Variants in PSD3 observed in about 807,000 individuals in gnomAD.
The protein encoded by PSD3 is pleckstrin and Sec7 domain containing 3, also known as PH and SEC7 domain-containing protein 3.
Under a neutral mutation model 105.5 loss-of-function variants are expected in PSD3, and 49 were observed. The observed-to-expected ratio is 0.46, with a 90% CI of 0.37 to 0.59. PSD3 has a LOEUF of 0.59. Among genes scored for constraint, PSD3 ranks in the 20% least tolerant of loss-of-function variants. PSD3 has a pLI of 0.00. For missense variants in PSD3, 1,561 were observed against 1,263.8 expected, an observed-to-expected ratio of 1.24 and a Z score of -3.57; for synonymous variants, 557 against 457.8, an observed-to-expected ratio of 1.22 and a Z score of -2.77.
chr8:18,655,642 A>T lies in PSD3; in HGVS notation c.2216T>A (p.Val739Glu), dbSNP rs774769776. The T allele has an allele frequency of 1.2e-6, 2 of 1,613,808 alleles. No individual in the cohort carries two copies. The highest frequency in any genetic ancestry group is 2.2e-5 in the South Asian group (2 of 91,080). The change falls in exon 10 of 16, where the codon GTA becomes GAA. Residue 739 changes from valine (V) to glutamate (E), a missense_variant and splice_region_variant. Transcript: ENST00000327040. ...SIKNEKLEWA[V>E]DDEEKKKSPS... is the part of the protein sequence containing the mutation. The stretch of plus-strand genomic sequence containing the variant: ...AAAGGCTGACGTCCAGCACACTTAC[A>T]CTGCCCATTCAAGCTTCTCATTCTT...
At chr8:18,831,078 C>T (rs191831537) in intron 4 of PSD3, among the ~76,000 whole-genome samples, 16 of 125,782 alleles carry the variant, frequency 1.3e-4, no homozygotes, top group East Asian at 8.4e-4. Flanking sequence ...CTGACTCTGA[C>T]GTTTGCTTCT....
intron 2 of PSD3, among the ~76,000 whole-genome samples, chr8:18,920,832 G>A (rs575644374): frequency 1.3e-5 from 2 of 152,038 alleles, no homozygotes; most frequent in Admixed American, 1.3e-4. Flanking sequence ...CAATCACTGT[G>A]ATAACTAAAA....
chr8:18,633,186 T>C (rs994051258), intron 10 of PSD3, among the ~76,000 whole-genome samples: 1 of 152,072 alleles, frequency 6.6e-6, no homozygotes. Context: ...TGGGAGTTTA[T>C]TGGCAGGAAT....
chr8:18,671,366 T>G (rs572330873), intron 9 of PSD3, among the ~76,000 whole-genome samples: 1 of 152,300 alleles, frequency 6.6e-6, no homozygotes, highest in Non-Finnish European at 1.5e-5. Context: ...CAATTTTACA[T>G]GAGACACACT....
intron 11 of PSD3, among the ~76,000 whole-genome samples, chr8:18,623,783 G>A (rs1806293607): frequency 6.6e-6 from 1 of 152,112 alleles, no homozygotes; most frequent in African/African-American, 2.4e-5. Flanking sequence ...ACTTGTCAGT[G>A]ACTGCCTGTT....
chr8:19,014,909 T>G (rs1827127355), upstream of PSD3, among the ~76,000 whole-genome samples: 1 of 152,148 alleles, frequency 6.6e-6, no homozygotes, highest in Non-Finnish European at 1.5e-5. The surrounding 1 kb of genome is among the most constrained non-coding windows in gnomAD (Gnocchi z 4.9). Context: ...TGAGGGAGTG[T>G]ATGCCTTTAT....
chr8:18,548,054 T>A (rs1800552977), intron 15 of PSD3, among the ~76,000 whole-genome samples: 2 of 152,328 alleles, frequency 1.3e-5, no homozygotes, highest in African/African-American at 4.8e-5. Flanking sequence ...GTTTTCAAGT[T>A]CTCAGCTTCT....
intron 2 of PSD3, among the ~76,000 whole-genome samples, chr8:18,933,020 ATGAG>A (rs1460785295): frequency 2.6e-5 from 4 of 152,260 alleles, no homozygotes; most frequent in African/African-American, 9.6e-5. Flanking sequence ...TAAGAAACTT[ATGAG>A]TAAGAACCAT....
At chr8:19,038,226 A>G (rs1224248199) in intron 1 of PSD3, among the ~76,000 whole-genome samples, 1 of 152,074 alleles carries the variant, frequency 6.6e-6, no homozygotes, top group Non-Finnish European at 1.5e-5. Context: ...TTTAGAATAC[A>G]TGTCTCTTTA....
At chr8:18,639,597 C>A (rs896035816) in intron 10 of PSD3, among the ~76,000 whole-genome samples, 1 of 152,142 alleles carries the variant, frequency 6.6e-6, no homozygotes, top group Admixed American at 6.5e-5. Flanking sequence ...CACAGACACA[C>A]ACATACAGAA....
chr8:18,982,938 T>C (rs1012439512), intron 1 of PSD3, among the ~76,000 whole-genome samples: 3 of 152,230 alleles, frequency 2.0e-5, no homozygotes, highest in African/African-American at 7.2e-5. Flanking sequence ...TTTTGAAGCT[T>C]TGAAGCCAGG....
intron 15 of PSD3, among the ~76,000 whole-genome samples, chr8:18,540,162 T>C (rs527422631): frequency 6.6e-6 from 1 of 152,356 alleles, no homozygotes; most frequent in Non-Finnish European, 1.5e-5. Context: ...GGACAGTTTA[T>C]GAAAGCAGCT....
rs114972342 is a variant in PSD3 at position 18,676,311 on chromosome 8, G to A, written c.2173-20626C>T. Among the ~76,000 whole-genome samples, 4 of 152,262 alleles carry A rather than the reference G, an allele frequency of 2.6e-5. No individual in the cohort carries two copies. The South Asian group carries it at 8.3e-4, about 32-fold the overall frequency. On this transcript the variant is annotated intron_variant, in intron 9 of 15. Coordinates refer to ENST00000327040, the MANE Select transcript of PSD3 (RefSeq NM_015310.4). Reference sequence around the variant, plus strand: ...ACAGTCTACTCATAAATGGAGGGGAGCAAGAATGCAGTACGACCTTGGGAG... The same window carrying A: ...ACAGTCTACTCATAAATGGAGGGGAACAAGAATGCAGTACGACCTTGGGAG...
intron 11 of PSD3, among the ~76,000 whole-genome samples, chr8:18,614,802 T>TTG (rs1289328101): frequency 1.0e-5 from 1 of 96,192 alleles, no homozygotes; most frequent in African/African-American, 3.8e-5. Flanking sequence ...CTAATTTTTT[T>TTG]TTTGTTTTGT....
intron 9 of PSD3, among the ~76,000 whole-genome samples, chr8:18,667,810 G>T (rs1563157200): frequency 6.6e-6 from 1 of 152,210 alleles, no homozygotes; most frequent in African/African-American, 2.4e-5. Context: ...GGGCTGCAGA[G>T]CCTCCGAGCC....
intron 8 of PSD3, among the ~76,000 whole-genome samples, chr8:18,777,853 A>G (rs1478914812): frequency 2.0e-5 from 3 of 152,150 alleles, no homozygotes; most frequent in South Asian, 2.1e-4. Flanking sequence ...CTCTATGTCC[A>G]TGATATCAAC....
chr8:18,839,800 A>G (rs553870583), intron 4 of PSD3, among the ~76,000 whole-genome samples: 36 of 149,016 alleles, frequency 2.4e-4, no homozygotes, highest in African/African-American at 8.5e-4. Context: ...TAACTCTCCC[A>G]TGACACAGGG....
intron 9 of PSD3, chr8:18,732,743 T>A (rs574970056): frequency 6.6e-6 from 1 of 152,056 alleles, no homozygotes; most frequent in Non-Finnish European, 1.5e-5. Context: ...GGAGGGGAAA[T>A]AGACTCTACA....
At chr8:18,886,417 C>T (rs903254645) in intron 2 of PSD3, among the ~76,000 whole-genome samples, 1 of 152,142 alleles carries the variant, frequency 6.6e-6, no homozygotes, top group African/African-American at 2.4e-5. Flanking sequence ...ATGCAAAATG[C>T]TCTCCTCTAT....
Sources: gnomAD v4.1 joint callset for allele counts (sites outside exome capture counted in the v4.1 genomes callset) on GRCh38, gnomAD v4.1.1 for gene constraint, Gnocchi (gnomAD v3.1) non-coding constraint, MANE v1.5 for transcripts, NCBI Gene and HGNC (gene_info 2026-07-23, HGNC 2026-07-21) for gene names.